PCLO: variants seen among roughly 807,000 people sequenced by gnomAD.
PCLO encodes the protein protein piccolo.
PCLO carries 82 observed loss-of-function variants against 427.5 expected under a neutral mutation model. The observed-to-expected ratio is 0.19, with a 90% CI of 0.16 to 0.23. The LOEUF (loss-of-function observed/expected upper bound fraction) is 0.23. Ranked by LOEUF, PCLO falls within the 10% of genes least tolerant of loss-of-function variation. PCLO has a pLI of 1.00. For missense variants in PCLO, 6,239 were observed against 6,115.9 expected (o/e 1.02, Z -0.67); for synonymous variants, 2,357 against 2,155.4 (o/e 1.09, Z -2.59).
chr7:83,085,808 T>C (rs192139357), intron 3 of PCLO, among the ~76,000 whole-genome samples: 5 of 152,270 alleles, frequency 3.3e-5, no homozygotes, highest in East Asian at 3.9e-4. Flanking sequence ...TGTATGCTAT[T>C]TTTTTATTTG....
intron 15 of PCLO, among the ~76,000 whole-genome samples, chr7:82,836,013 A>G (rs754104435): frequency 5.3e-5 from 8 of 151,984 alleles, no homozygotes; most frequent in Non-Finnish European, 1.0e-4. Flanking sequence ...TTATTTGACA[A>G]ATTGCATGAG....
At chr7:83,160,075 T>C (rs1302434407) in intron 1 of PCLO, among the ~76,000 whole-genome samples, 2 of 152,164 alleles carry the variant, frequency 1.3e-5, no homozygotes, top group Admixed American at 6.5e-5. Context: ...GTGTCACCCA[T>C]TGCTGATACC....
chr7:82,902,065 C>T (rs1794055305), intron 9 of PCLO, among the ~76,000 whole-genome samples: 1 of 151,802 alleles, frequency 6.6e-6, no homozygotes, highest in South Asian at 2.1e-4. Context: ...ACCCAGCCAT[C>T]CCATTACTGG....
intron 3 of PCLO, among the ~76,000 whole-genome samples, chr7:83,060,579 C>T (rs1345330102): frequency 7.9e-5 from 12 of 152,236 alleles, no homozygotes; most frequent in Non-Finnish European, 1.3e-4. Context: ...GGGGAACTTA[C>T]CCAACCCTCT....
chr7:83,067,224 A>G (rs1314441904), intron 3 of PCLO, among the ~76,000 whole-genome samples: 1 of 152,190 alleles, frequency 6.6e-6, no homozygotes, highest in East Asian at 1.9e-4. Flanking sequence ...GGGATACTCA[A>G]TCTGTATTAA....
intron 3 of PCLO, among the ~76,000 whole-genome samples, chr7:83,091,977 A>G (rs1418793074): frequency 6.6e-6 from 1 of 152,176 alleles, no homozygotes; most frequent in African/African-American, 2.4e-5. Context: ...TTCACTTCCA[A>G]ATTTTTTTTT....
rs147656702 is a variant in PCLO, at chr7:82,921,195, C to G, written c.11113-4322G>C. Among the ~76,000 whole-genome samples the G allele has an allele frequency of 4.4e-4, 67 of 151,890 alleles. No homozygotes were observed. The East Asian group carries it at 0.012, about 28-fold the overall frequency. Reference sequence around the variant, plus strand: ...AATGGTATTTCTATCAAACTACCAACAACATTTTTCACAGAATTATAAAAA... The same window carrying G: ...AATGGTATTTCTATCAAACTACCAAGAACATTTTTCACAGAATTATAAAAA... On this transcript the variant is annotated intron_variant, in intron 6 of 24. Transcript: ENST00000333891.
At chr7:82,934,207 A>G (rs1012372966) in intron 6 of PCLO, among the ~76,000 whole-genome samples, 8 of 151,982 alleles carry the variant, frequency 5.3e-5, no homozygotes, top group East Asian at 1.9e-4. Flanking sequence ...TGTCACTCTC[A>G]TAGGTCGCTA....
chr7:82,872,312 C>T (rs541906229), intron 10 of PCLO, among the ~76,000 whole-genome samples: 7 of 151,984 alleles, frequency 4.6e-5, no homozygotes, highest in African/African-American at 1.7e-4. Flanking sequence ...CGAGTCAAAT[C>T]TCAGATGAGA....
At chr7:83,089,262 A>C (rs2116431163) in intron 3 of PCLO, among the ~76,000 whole-genome samples, 1 of 152,216 alleles carries the variant, frequency 6.6e-6, no homozygotes, top group East Asian at 1.9e-4. Flanking sequence ...AGAAGTGCTT[A>C]AGCCTTCTGA....
intron 9 of PCLO, among the ~76,000 whole-genome samples, chr7:82,886,954 TATTTG>T (rs1793641657): frequency 6.6e-6 from 1 of 152,210 alleles, no homozygotes; most frequent in African/African-American, 2.4e-5. Context: ...AGATGGATTT[TATTTG>T]ATTTTTGTTT....
At chr7:83,056,190 A>G (rs1789374528) in intron 3 of PCLO, among the ~76,000 whole-genome samples, 1 of 152,090 alleles carries the variant, frequency 6.6e-6, no homozygotes, top group Non-Finnish European at 1.5e-5. Context: ...TGGAGTAAAT[A>G]CTAGATATTA....
In PCLO at chr7:83,031,757, T is replaced by A. The variant is rs564944514; in HGVS notation, c.3301-65270A>T. On this transcript the variant is annotated intron_variant, in intron 3 of 24. Coordinates refer to ENST00000333891, the MANE Select transcript of PCLO (RefSeq NM_033026.6). ...CTCCCTCCCCCTCCCTCTCTCTCTC[T>A]CACACACACACGCTCACACACACAA... Among the ~76,000 whole-genome samples, 577 of 142,524 alleles carry A rather than the reference T, an allele frequency of 4.0e-3. 3 individuals are homozygous for A. The highest frequency in any genetic ancestry group is 0.013 in the African/African-American group (531 of 39,724). 93.5% of individuals were successfully genotyped at this position (142,524 alleles called of 152,430 possible). A position where few individuals can be genotyped will look rare whatever the true frequency, so the allele number is the denominator to read the frequency against.
At chr7:82,891,258 A>T (rs1052366395) in intron 9 of PCLO, among the ~76,000 whole-genome samples, 16 of 152,216 alleles carry the variant, frequency 1.1e-4, no homozygotes, top group African/African-American at 3.6e-4. Context: ...AGCTGTTCTT[A>T]ATCACTTCTG....
At chr7:82,802,010 G>T (rs1791364155) in intron 21 of PCLO, among the ~76,000 whole-genome samples, 1 of 151,332 alleles carries the variant, frequency 6.6e-6, no homozygotes, top group South Asian at 2.1e-4. Context: ...GGTAAAAAGA[G>T]CAATATTGAA....
intron 3 of PCLO, among the ~76,000 whole-genome samples, chr7:83,062,925 A>G (rs1789575365): frequency 6.6e-6 from 1 of 152,090 alleles, no homozygotes; most frequent in Admixed American, 6.6e-5. Context: ...TTTTCTGACT[A>G]AAATTACTAT....
At position 82,951,099 on chromosome 7, in the gene PCLO, G is replaced by A. The variant is rs766154350; in HGVS notation, c.9489C>T (p.Ala3163=). The part of the protein sequence containing the change: ...DIAVTGIDIS[A]SLQTITMESL... ...ACTCCATAGTAATAGTTTGCAAACT[G>A]GCACTGATATCAATACCAGTTACTG... is the stretch of plus-strand genomic sequence containing the variant. Residue 3163 remains alanine, a synonymous_variant, in exon 6 of 25, where the codon GCC becomes GCT. Coordinates refer to ENST00000333891, the MANE Select transcript of PCLO (RefSeq NM_033026.6). The A allele has an allele frequency of 2.5e-5, 40 of 1,613,660 alleles. No individual in the cohort carries two copies. The highest frequency in any genetic ancestry group is 1.1e-5 in the Non-Finnish European group (13 of 1,179,792).
chr7:83,088,342 C>A (rs13237199), intron 3 of PCLO, among the ~76,000 whole-genome samples: 58,446 of 151,920 alleles, frequency 0.38, 11,601 homozygotes, highest in African/African-American at 0.48. Flanking sequence ...ACAAAGTGGA[C>A]GCACTGTGTG....
chr7:83,135,349 G>C lies in PCLO; in HGVS notation c.2201C>G (p.Pro734Arg). ...PEADSLSKPA[P>R]PKEPSVPSEQ... ...AGATGGGACAGAAGGTTCTTTGGGA[G>C]GGGCTGGCTTGGACAAAGAATCTGC... Residue 734 changes from proline (P) to arginine (R), a missense_variant, in exon 3 of 25, where the codon CCT (proline) becomes CGT (arginine). By Grantham distance (103) the Pro-to-Arg change is moderately radical. Transcript: ENST00000333891. The C allele has an allele frequency of 6.2e-7, 1 of 1,613,970 alleles. No homozygotes were observed. Among genetic ancestry groups the C allele is most frequent in the Non-Finnish European group, 8.5e-7 (1 of 1,179,902 alleles).
Sources: gnomAD v4.1 joint callset for allele counts (sites outside exome capture counted in the v4.1 genomes callset) on GRCh38, gnomAD v4.1.1 for gene constraint, MANE v1.5 for transcripts, NCBI Gene and HGNC (gene_info 2026-07-23, HGNC 2026-07-21) for gene names.